ZNF516: variants seen among roughly 807,000 people sequenced by gnomAD.
ZNF516 encodes zinc finger protein 516.
ZNF516 carries 19 observed loss-of-function variants against 79.7 expected under a neutral mutation model. That is an observed-to-expected ratio of 0.24 (90% CI 0.17 to 0.35). The LOEUF is 0.35. Ranked by LOEUF, ZNF516 falls within the 10% of genes least tolerant of loss-of-function variation. The pLI, the probability that ZNF516 is intolerant of heterozygous loss-of-function variation, is 1.00. For synonymous variants in ZNF516, 877 were observed against 739.5 expected (o/e 1.19, Z -3.02); for missense variants, 1,678 against 1,679.5 (o/e 1.00, Z 0.02).
chr18:76,419,246 T>C (rs1460254896), intron 3 of ZNF516, among the ~76,000 whole-genome samples: 1 of 152,150 alleles, frequency 6.6e-6, no homozygotes, highest in African/African-American at 2.4e-5. Flanking sequence ...GTTGAAACAA[T>C]GGGATAGAGA....
chr18:76,492,680 C>T, intron 1 of ZNF516: 2 of 977,922 alleles, frequency 2.0e-6, no homozygotes, highest in Non-Finnish European at 2.4e-6. Flanking sequence ...GGCACCAAGG[C>T]CAGAGAAACC....
rs1209911266 is a variant in ZNF516, at chr18:76,371,488, C to T, written c.3343G>A (p.Ala1115Thr). ...KSFHQPGHLR[A>T]HMRAHSVVFE... is the part of the protein sequence containing the mutation. ...ATACCTGAGTGTGCCCGCATGTGGG[C>T]CCTGAGGTGGCCGGGCTGGTGGAAG... is the stretch of plus-strand genomic sequence containing the variant. Residue 1115 changes from alanine (A) to threonine (T), a missense_variant, in exon 5 of 7, where the codon GCC becomes ACC. By Grantham distance (58) the Ala-to-Thr change is moderately conservative (BLOSUM62 0). Transcript: ENST00000443185. 4 of 1,608,772 alleles carry T rather than the reference C, an allele frequency of 2.5e-6. No homozygotes were observed. Among genetic ancestry groups the T allele is most frequent in the Non-Finnish European group, 2.5e-6 (3 of 1,179,776 alleles).
At chr18:76,436,898 T>C (rs770654535) in intron 3 of ZNF516, among the ~76,000 whole-genome samples, 2 of 151,912 alleles carry the variant, frequency 1.3e-5, no homozygotes. Flanking sequence ...CAAAACCCCA[T>C]GTCTACCAAA....
chr18:76,458,771 T>TTGTGTGCGTGCCTCACCGTCATG (rs1568310707), intron 2 of ZNF516, among the ~76,000 whole-genome samples: 1 of 128,642 alleles, frequency 7.8e-6, no homozygotes, highest in African/African-American at 3.1e-5. Flanking sequence ...TGTGTGTGCC[T>TTGTGTGCGTGCCTCACCGTCATG]CGTGTGCGTG....
At chr18:76,369,133 A>G (rs1056408450) in intron 6 of ZNF516, among the ~76,000 whole-genome samples, 1 of 152,294 alleles carries the variant, frequency 6.6e-6, no homozygotes, top group East Asian at 1.9e-4. Context: ...CCACAAACAC[A>G]TCACGGTGAC....
intron 6 of ZNF516, 122 bp downstream of exon 6, chr18:76,370,406 G>T (rs2074683109): frequency 3.1e-6 from 3 of 963,130 alleles, no homozygotes; most frequent in Non-Finnish European, 4.5e-6. Context: ...AAGCATATAG[G>T]ATTATTTACA....
chr18:76,362,416 C>A lies in ZNF516; in HGVS notation c.*82G>T. 1 of 1,430,774 alleles carries A rather than the reference C, an allele frequency of 7.0e-7. No individual in the cohort carries two copies. Among genetic ancestry groups the A allele is most frequent in the South Asian group, 1.2e-5 (1 of 82,232 alleles). The allele number at this position is 1,430,774 out of a possible 1,614,324, so 88.6% of individuals were successfully genotyped here. The stretch of plus-strand genomic sequence containing the variant: ...CTGTTCTTCCATGGAGCGGCCAGGT[C>A]ACAGGTGGGAGGCTGCTGGGACATC... On this transcript the variant is annotated 3_prime_UTR_variant, in exon 7 of 7. Transcript: ENST00000443185.
At chr18:76,481,666 A>G (rs1914529657) in intron 1 of ZNF516, among the ~76,000 whole-genome samples, 1 of 152,220 alleles carries the variant, frequency 6.6e-6, no homozygotes, top group African/African-American at 2.4e-5. Context: ...TGCATATTAA[A>G]TAACACATAT....
At chr18:76,383,934 G>A (rs1158310208) in intron 3 of ZNF516, among the ~76,000 whole-genome samples, 1 of 152,198 alleles carries the variant, frequency 6.6e-6, no homozygotes, top group African/African-American at 2.4e-5. Flanking sequence ...AAGTCCAGTG[G>A]GCCTCGCAAA....
rs776378409 is a variant in ZNF516, at chr18:76,442,250, T to G, written c.805A>C (p.Lys269Gln). The G allele has an allele frequency of 6.2e-7, 1 of 1,613,686 alleles. No homozygotes were observed. ...QTWFLKAHMK[K>Q]HRGSFDHGCH... The stretch of plus-strand genomic sequence containing the variant: ...CCGTGGTCGAAGGAGCCCCGGTGCT[T>G]CTTCATGTGCGCCTTCAGGAACCAG... The change falls in exon 3 of 7, where the codon AAG becomes CAG. Residue 269 changes from lysine to glutamine, a missense_variant. Physicochemically the swap from Lys to Gln is moderately conservative, Grantham distance 53 (BLOSUM62 1). Around this residue, in one of 5 missense-constraint regions of ZNF516, gnomAD observed 17 missense variants for 51.8 expected, o/e 0.33. Coordinates refer to ENST00000443185, the MANE Select transcript of ZNF516 (RefSeq NM_014643.4).
intron 1 of ZNF516, among the ~76,000 whole-genome samples, chr18:76,484,001 A>G (rs1206645006): frequency 1.3e-5 from 2 of 152,174 alleles, no homozygotes; most frequent in Admixed American, 6.5e-5. Context: ...GCAAGCTCTA[A>G]GCATCCAAGC....
chr18:76,433,662 G>A (rs753639186), intron 3 of ZNF516, among the ~76,000 whole-genome samples: 2 of 152,176 alleles, frequency 1.3e-5, no homozygotes, highest in Non-Finnish European at 2.9e-5. Flanking sequence ...ATATGGAGCT[G>A]GGAGCCACCT....
chr18:76,492,844 C>T (rs867552953), intron 1 of ZNF516: 2 of 985,808 alleles, frequency 2.0e-6, no homozygotes, highest in African/African-American at 1.7e-5. Flanking sequence ...CTGCTGCGTG[C>T]CCATGTAGCC....
intron 6 of ZNF516, 55 bp downstream of exon 6, chr18:76,370,473 A>C (rs1599133967): frequency 6.7e-7 from 1 of 1,499,382 alleles, no homozygotes; most frequent in Non-Finnish European, 9.1e-7. Flanking sequence ...ATCATGGTGC[A>C]CCTTTCCCAG....
intron 2 of ZNF516, among the ~76,000 whole-genome samples, chr18:76,447,175 C>G (rs1199804429): frequency 4.0e-5 from 6 of 151,878 alleles, no homozygotes; most frequent in Non-Finnish European, 7.4e-5. Flanking sequence ...GCATCCCTTC[C>G]AAAAAAAGAA....
chr18:76,492,066 G>T, intron 1 of ZNF516: 1 of 745,326 alleles, frequency 1.3e-6, no homozygotes, highest in South Asian at 6.0e-5. Flanking sequence ...GCACACCCGC[G>T]CATGGACGAG....
chr18:76,417,342 A>G (rs765955779), intron 3 of ZNF516, among the ~76,000 whole-genome samples: 57 of 152,240 alleles, frequency 3.7e-4, no homozygotes, highest in Non-Finnish European at 7.9e-4. Context: ...CGTGGAAACC[A>G]AAGCTGTAAG....
At chr18:76,417,022 T>G (rs1400255224) in intron 3 of ZNF516, among the ~76,000 whole-genome samples, 1 of 152,080 alleles carries the variant, frequency 6.6e-6, no homozygotes, top group African/African-American at 2.4e-5. Context: ...GAATACAGGG[T>G]CAGGGCGATC....
intron 3 of ZNF516, among the ~76,000 whole-genome samples, chr18:76,380,995 CAGG>C (rs2074883297): frequency 6.6e-6 from 1 of 152,344 alleles, no homozygotes; most frequent in East Asian, 1.9e-4. Flanking sequence ...GCCGGCTGCC[CAGG>C]AGAACTGAGC....
Sources: allele counts gnomAD v4.1 joint callset (sites outside exome capture counted in the v4.1 genomes callset), GRCh38; gene constraint gnomAD v4.1.1; regional missense constraint gnomAD v4.1.1; transcripts MANE v1.5; gene names NCBI Gene and HGNC (gene_info 2026-07-23, HGNC 2026-07-21).